Variants in CNTNAP2 observed in about 807,000 individuals in gnomAD.
CNTNAP2 encodes the protein contactin-associated protein-like 2.
In CNTNAP2, 98 loss-of-function variants were observed where a neutral mutation model predicts 155.2. That is an observed-to-expected ratio of 0.63 (90% CI 0.54 to 0.75). The LOEUF (loss-of-function observed/expected upper bound fraction) is 0.75, where lower values mean the gene tolerates loss of function less well. Among genes scored for constraint, CNTNAP2 ranks in the 30% least tolerant of loss-of-function variants. CNTNAP2 has a pLI of 0.00. For synonymous variants in CNTNAP2, 651 were observed against 631.2 expected (o/e 1.03, Z -0.47); for missense variants, 1,727 against 1,688.1 (o/e 1.02, Z -0.40).
At chr7:147,342,054 C>G (rs754921388) in intron 9 of CNTNAP2, among the ~76,000 whole-genome samples, 1 of 152,068 alleles carries the variant, frequency 6.6e-6, no homozygotes, top group Non-Finnish European at 1.5e-5. Flanking sequence ...TACAGATGGC[C>G]AGCTTCTCAC....
chr7:148,012,041 C>G (rs954504634), intron 15 of CNTNAP2, among the ~76,000 whole-genome samples: 34 of 152,302 alleles, frequency 2.2e-4, no homozygotes, highest in Middle Eastern at 3.4e-3. Flanking sequence ...AGGGCCAGCT[C>G]ACCACTCTGA....
At chr7:146,654,240 G>A (rs79575361) in intron 1 of CNTNAP2, among the ~76,000 whole-genome samples, 2,879 of 152,028 alleles carry the variant, frequency 0.019, 40 homozygotes, top group Non-Finnish European at 0.029. Context: ...AAATAATGGC[G>A]TAAAGATTTA....
At chr7:148,188,593 GT>G (rs1431470033) in intron 18 of CNTNAP2, among the ~76,000 whole-genome samples, 4 of 152,288 alleles carry the variant, frequency 2.6e-5, no homozygotes, top group Admixed American at 2.6e-4. Context: ...CCCTCTGGCA[GT>G]TTCTCTTCTA....
At position 148,072,998 on chromosome 7, in the gene CNTNAP2, G is replaced by A. The variant is rs10256831; in HGVS notation, c.2384-45120G>A. Among the ~76,000 whole-genome samples the A allele has an allele frequency of 2.2e-4, 34 of 152,178 alleles. No homozygotes were observed. In the East Asian group the frequency reaches 4.8e-3, roughly 22 times the overall value. ...ACTGGGATTACAGGTGTGAGCCACC[G>A]TGCCTGGCCTGTCTTTTGTATTTTA... On this transcript the variant is annotated intron_variant, in intron 15 of 23. Coordinates refer to ENST00000361727, the MANE Select transcript of CNTNAP2 (RefSeq NM_014141.6).
chr7:146,553,955 C>T (rs894648357), intron 1 of CNTNAP2, among the ~76,000 whole-genome samples: 3 of 151,966 alleles, frequency 2.0e-5, no homozygotes, highest in African/African-American at 7.3e-5. Flanking sequence ...TATTATTGTG[C>T]CTTTGGTTGA....
intron 13 of CNTNAP2, among the ~76,000 whole-genome samples, chr7:147,696,528 G>C (rs1404259786): frequency 6.6e-6 from 1 of 152,076 alleles, no homozygotes; most frequent in African/African-American, 2.4e-5. Context: ...ACAACCTGTT[G>C]TCTGTTAGAT....
At chr7:148,191,534 T>C (rs898014684) in intron 18 of CNTNAP2, among the ~76,000 whole-genome samples, 3 of 152,188 alleles carry the variant, frequency 2.0e-5, no homozygotes, top group Admixed American at 6.5e-5. Flanking sequence ...AAACAAACAT[T>C]GATTTCTCAC....
intron 12 of CNTNAP2, among the ~76,000 whole-genome samples, chr7:147,618,684 A>T (rs1162654295): frequency 7.9e-6 from 1 of 127,060 alleles, no homozygotes; most frequent in Admixed American, 9.4e-5. Context: ...AACAGCTATT[A>T]TATATATATA....
chr7:148,352,809 G>C (rs1345377687), intron 21 of CNTNAP2, among the ~76,000 whole-genome samples: 1 of 152,168 alleles, frequency 6.6e-6, no homozygotes, highest in East Asian at 1.9e-4. Context: ...GCACCGTGAG[G>C]GGGTATCCTT....
At chr7:146,380,308 T>C (rs1795362727) in intron 1 of CNTNAP2, among the ~76,000 whole-genome samples, 1 of 152,166 alleles carries the variant, frequency 6.6e-6, no homozygotes, top group Non-Finnish European at 1.5e-5. Context: ...TTTTGAAATA[T>C]TAGTAAAAGC....
chr7:146,557,457 T>G (rs1798213985), intron 1 of CNTNAP2, among the ~76,000 whole-genome samples: 1 of 152,122 alleles, frequency 6.6e-6, no homozygotes, highest in South Asian at 2.1e-4. Flanking sequence ...GCCTTTATAA[T>G]TAATTCTATT....
In CNTNAP2 at chr7:148,419,419, C is replaced by CT. The variant is rs1009738174; in HGVS notation, c.*3811dup. The CT allele has an allele frequency of 1.6e-4, 24 of 152,122 alleles. No individual in the cohort carries two copies. The highest frequency in any genetic ancestry group is 1.6e-3 in the East Asian group (8 of 5,160). The allele number at this position is 152,122 out of a possible 1,614,324, so 9.4% of individuals were successfully genotyped here. ...ACCAATGGCTCCTACCCCCGCCCCG[C>CT]TTTTTTTTGTTGTTTTTTGTTTTGT... On this transcript the variant is annotated 3_prime_UTR_variant, in exon 24 of 24. Coordinates refer to ENST00000361727, the MANE Select transcript of CNTNAP2 (RefSeq NM_014141.6).
At chr7:147,635,317 T>C (rs975308272) in intron 12 of CNTNAP2, among the ~76,000 whole-genome samples, 1 of 151,848 alleles carries the variant, frequency 6.6e-6, no homozygotes, top group African/African-American at 2.4e-5. Context: ...TGAGACAGGG[T>C]CTTGCTGTGT....
chr7:147,277,494 A>G (rs1804922795), intron 8 of CNTNAP2, among the ~76,000 whole-genome samples: 1 of 152,008 alleles, frequency 6.6e-6, no homozygotes, highest in Non-Finnish European at 1.5e-5. Context: ...AAAAAGTCAG[A>G]ATTTACTACT....
At chr7:146,689,240 G>C (rs1335891907) in intron 1 of CNTNAP2, among the ~76,000 whole-genome samples, 2 of 151,996 alleles carry the variant, frequency 1.3e-5, no homozygotes, top group African/African-American at 4.8e-5. Flanking sequence ...TCTATGAGTG[G>C]TGATCAAAAT....
intron 21 of CNTNAP2, among the ~76,000 whole-genome samples, chr7:148,342,231 A>G (rs560183775): frequency 2.4e-4 from 36 of 152,326 alleles, no homozygotes; most frequent in Non-Finnish European, 3.8e-4. Flanking sequence ...TTTGTCCTCA[A>G]TAAAGAGTCA....
At chr7:146,216,240 T>C (rs959484818) in intron 1 of CNTNAP2, among the ~76,000 whole-genome samples, 2 of 152,160 alleles carry the variant, frequency 1.3e-5, no homozygotes, top group African/African-American at 4.8e-5. Flanking sequence ...TGGCTTTCTC[T>C]TGGAAGTTAG....
At chr7:147,165,992 G>A (rs1248859961) in intron 8 of CNTNAP2, among the ~76,000 whole-genome samples, 1 of 152,176 alleles carries the variant, frequency 6.6e-6, no homozygotes, top group African/African-American at 2.4e-5. Context: ...AGAACTAAAA[G>A]TAGAACTACC....
At chr7:147,482,707 C>A (rs1798443220) in intron 10 of CNTNAP2, among the ~76,000 whole-genome samples, 1 of 134,938 alleles carries the variant, frequency 7.4e-6, no homozygotes, top group Non-Finnish European at 1.6e-5. Context: ...GGCGACTGAG[C>A]GAGATTCCGT....
Sources: gnomAD v4.1 joint callset for allele counts (sites outside exome capture counted in the v4.1 genomes callset) on GRCh38, gnomAD v4.1.1 for gene constraint, MANE v1.5 for transcripts, NCBI Gene and HGNC (gene_info 2026-07-23, HGNC 2026-07-21) for gene names.